LRBA: variants seen among roughly 807,000 people sequenced by gnomAD.
The protein encoded by LRBA is lipopolysaccharide-responsive and beige-like anchor protein.
LRBA carries 176 observed loss-of-function variants against 330.0 expected under a neutral mutation model. The observed-to-expected ratio is 0.53, with a 90% CI of 0.47 to 0.60. The LOEUF is 0.60. Among genes scored for constraint, LRBA ranks in the 20% least tolerant of loss-of-function variants. The probability of loss-of-function intolerance (pLI) is 0.00; values close to 1 mark genes in which losing one functional copy is unlikely to be tolerated. For synonymous variants in LRBA, 1,230 were observed against 1,193.0 expected, an observed-to-expected ratio of 1.03 and a Z score of -0.64; for missense variants, 3,259 against 3,444.8, an observed-to-expected ratio of 0.95 and a Z score of 1.35.
At chr4:150,672,541 T>A (rs1400008505) in intron 37 of LRBA, among the ~76,000 whole-genome samples, 1 of 152,024 alleles carries the variant, frequency 6.6e-6, no homozygotes. Context: ...AATCCTTTAG[T>A]ATTCTAAAGT....
intron 46 of LRBA, among the ~76,000 whole-genome samples, chr4:150,419,839 T>C (rs929422387): frequency 6.6e-5 from 10 of 151,270 alleles, no homozygotes; most frequent in Non-Finnish European, 1.2e-4. Flanking sequence ...GGTTTCAGCA[T>C]GTTGGCCAGG....
intron 46 of LRBA, among the ~76,000 whole-genome samples, chr4:150,430,972 T>C (rs990656606): frequency 2.2e-5 from 3 of 136,204 alleles, no homozygotes; most frequent in South Asian, 5.0e-4. Context: ...CTGAAATGAG[T>C]AGGCAACCTC....
chr4:150,834,874 T>C (rs1401654301), intron 28 of LRBA, among the ~76,000 whole-genome samples: 1 of 152,208 alleles, frequency 6.6e-6, no homozygotes, highest in Non-Finnish European at 1.5e-5. Flanking sequence ...CATGAAGTCC[T>C]TGCCCATGCC....
In LRBA at chr4:150,852,625, G is replaced by A; in HGVS notation, c.3085C>T (p.Pro1029Ser). 1 of 1,613,990 alleles carries A rather than the reference G, an allele frequency of 6.2e-7. No individual in the cohort carries two copies. Among genetic ancestry groups the A allele is most frequent in the South Asian group, 1.1e-5 (1 of 91,084 alleles). The change falls in exon 23 of 57, where the codon CCA becomes TCA. Residue 1029 changes from proline to serine, a missense_variant. By Grantham distance (74) the Pro-to-Ser change is moderately conservative. Coordinates refer to ENST00000651943, the MANE Select transcript of LRBA (RefSeq NM_001364905.1). Reference protein sequence around the residue: ...MKAEQENQELPDEGTLEETLT... With the variant: ...MKAEQENQELSDEGTLEETLT... ...GTTTCTTCCAAAGTGCCTTCATCTG[G>A]TAACTCCTGATTTTCTTGCTCAGCT...
chr4:150,391,591 A>G (rs62347038), intron 47 of LRBA, among the ~76,000 whole-genome samples: 33,128 of 152,108 alleles, frequency 0.22, 4,429 homozygotes, highest in Non-Finnish European at 0.31. Flanking sequence ...TAGGCCAGAC[A>G]CTATGTCATA....
intron 2 of LRBA, among the ~76,000 whole-genome samples, chr4:150,946,262 A>T (rs1361826401): frequency 6.6e-6 from 1 of 152,240 alleles, no homozygotes; most frequent in Non-Finnish European, 1.5e-5. Flanking sequence ...ACTCAATAAC[A>T]CTATCAACAA....
intron 41 of LRBA, among the ~76,000 whole-genome samples, chr4:150,488,651 C>T (rs1758179188): frequency 6.6e-6 from 1 of 150,690 alleles, no homozygotes; most frequent in African/African-American, 2.4e-5. Context: ...TTCATTTGGT[C>T]AGTCATGGAA....
intron 37 of LRBA, among the ~76,000 whole-genome samples, chr4:150,669,066 C>T (rs541843213): frequency 3.3e-5 from 5 of 152,226 alleles, no homozygotes; most frequent in South Asian, 2.1e-4. Flanking sequence ...AATCTAAGGT[C>T]GTCCAGTAGA....
chr4:150,508,442 C>A (rs931866968), intron 40 of LRBA, among the ~76,000 whole-genome samples: 4 of 152,004 alleles, frequency 2.6e-5, no homozygotes, highest in Non-Finnish European at 4.4e-5. Flanking sequence ...GTGCCCACCA[C>A]CATGCCTGGC....
intron 4 of LRBA, among the ~76,000 whole-genome samples, chr4:150,921,923 T>G (rs1345258167): frequency 6.6e-6 from 1 of 152,118 alleles, no homozygotes; most frequent in Non-Finnish European, 1.5e-5. Context: ...ACGGGGTTTC[T>G]CCATGTTGGT....
intron 53 of LRBA, among the ~76,000 whole-genome samples, chr4:150,293,483 A>C (rs1215527116): frequency 1.3e-5 from 2 of 152,204 alleles, no homozygotes; most frequent in Admixed American, 1.3e-4. Flanking sequence ...TCACAATTTG[A>C]TTAGACATAT....
chr4:150,686,557 G>A (rs1330407212), intron 36 of LRBA, among the ~76,000 whole-genome samples: 2 of 152,088 alleles, frequency 1.3e-5, no homozygotes, highest in Admixed American at 1.3e-4. Flanking sequence ...GCATTCTATA[G>A]GTTATTTCAT....
At chr4:150,408,380 A>T (rs535614804) in intron 47 of LRBA, among the ~76,000 whole-genome samples, 2 of 152,158 alleles carry the variant, frequency 1.3e-5, no homozygotes, top group Non-Finnish European at 2.9e-5. Context: ...AAACTAAAAA[A>T]ACTGATTTGG....
At chr4:150,809,257 G>T (rs2126728143) in intron 31 of LRBA, among the ~76,000 whole-genome samples, 1 of 152,214 alleles carries the variant, frequency 6.6e-6, no homozygotes, top group South Asian at 2.1e-4. Context: ...ACTGCCTCTA[G>T]CTCTGTCCAC....
Position 150,844,647 on chromosome 4 carries a change from T to C in LRBA, c.4461+11A>G. The C allele has an allele frequency of 6.2e-7, 1 of 1,601,266 alleles. No homozygotes were observed. Among genetic ancestry groups the C allele is most frequent in the Non-Finnish European group, 8.5e-7 (1 of 1,175,576 alleles). ...TATGCTTTTTGAAAATTAATTAATC[T>C]GTATACTTACCTTCGCTGCAGATTT... On this transcript the variant is annotated intron_variant, in intron 27 of 56. Transcript: ENST00000651943.
At chr4:150,275,243 A>G (rs1018167851) in intron 56 of LRBA, among the ~76,000 whole-genome samples, 7 of 152,218 alleles carry the variant, frequency 4.6e-5, no homozygotes, top group Non-Finnish European at 7.3e-5. Context: ...TTCATCCTAA[A>G]AACTCTCAAT....
intron 2 of LRBA, among the ~76,000 whole-genome samples, chr4:150,966,133 T>C (rs1348154450): frequency 2.6e-5 from 4 of 152,062 alleles, no homozygotes; most frequent in Non-Finnish European, 5.9e-5. Context: ...TTATGTGAAA[T>C]TTTGCCCCTG....
intron 34 of LRBA, among the ~76,000 whole-genome samples, chr4:150,787,669 C>A (rs1560817671): frequency 6.6e-6 from 1 of 152,174 alleles, no homozygotes; most frequent in Non-Finnish European, 1.5e-5. Context: ...TACAAACAAT[C>A]TAATTATACT....
chr4:150,278,038 G>A (rs1747031016), intron 55 of LRBA, 34 bp from the exon 56 acceptor site: 1 of 1,601,152 alleles, frequency 6.2e-7, no homozygotes, highest in South Asian at 1.1e-5. Flanking sequence ...TAGAAATGTG[G>A]TTCTAGGAAA....
Sources: gnomAD v4.1 joint callset for allele counts (sites outside exome capture counted in the v4.1 genomes callset) on GRCh38, gnomAD v4.1.1 for gene constraint, MANE v1.5 for transcripts, NCBI Gene and HGNC (gene_info 2026-07-23, HGNC 2026-07-21) for gene names.